FRAS1: variants seen among roughly 807,000 people sequenced by gnomAD.
FRAS1 encodes the protein Fraser extracellular matrix complex subunit 1.
A neutral mutation model predicts 435.2 loss-of-function variants in FRAS1; 290 were observed. That is an observed-to-expected ratio of 0.67 (90% CI 0.61 to 0.73). The LOEUF (loss-of-function observed/expected upper bound fraction) is 0.73, where lower values mean the gene tolerates loss of function less well. FRAS1 is among the 30% of genes least tolerant of loss of function. FRAS1 has a pLI of 0.00. For missense variants in FRAS1, 4,860 were observed against 5,001.5 expected (o/e 0.97, Z 0.85); for synonymous variants, 1,800 against 1,851.0 (o/e 0.97, Z 0.71).
At chr4:78,534,677 GTCACCGGACTGGCATCTCTGCTCAT>G in intron 71 of FRAS1, 62 bp downstream of exon 71, 1 of 1,507,254 alleles carries the variant, frequency 6.6e-7, no homozygotes, top group Non-Finnish European at 9.1e-7. Flanking sequence ...CTTTTGCTAA[GTCACCGGACTGGCATCTCTGCTCAT>G]ATGCTCTCAG....
At chr4:78,118,304 C>T (rs1032647682) in intron 2 of FRAS1, among the ~76,000 whole-genome samples, 5 of 152,150 alleles carry the variant, frequency 3.3e-5, no homozygotes, top group African/African-American at 1.2e-4. Flanking sequence ...GGCAGTCTGT[C>T]CATTCACAGA....
chr4:78,258,352 A>C (rs1158648856), intron 6 of FRAS1, among the ~76,000 whole-genome samples: 1 of 150,030 alleles, frequency 6.7e-6, no homozygotes, highest in Non-Finnish European at 1.5e-5. Flanking sequence ...AAAAAAAAAA[A>C]AAAGAAAAAA....
intron 50 of FRAS1, among the ~76,000 whole-genome samples, chr4:78,469,059 G>T (rs1037081889): frequency 1.1e-4 from 17 of 152,142 alleles, no homozygotes; most frequent in Admixed American, 2.6e-4. Flanking sequence ...CATCACTCTT[G>T]TTTTTTCTCT....
At chr4:78,200,038 G>C (rs750022087) in intron 2 of FRAS1, among the ~76,000 whole-genome samples, 5 of 152,164 alleles carry the variant, frequency 3.3e-5, no homozygotes, top group Non-Finnish European at 7.3e-5. Flanking sequence ...TATGATTTCT[G>C]TACAGAAGTA....
At chr4:78,126,545 T>C (rs1450101089) in intron 2 of FRAS1, among the ~76,000 whole-genome samples, 2 of 152,330 alleles carry the variant, frequency 1.3e-5, no homozygotes, top group Middle Eastern at 3.4e-3. Context: ...AGCGAACATA[T>C]AGCAACTGTT....
At chr4:78,157,938 A>G (rs1246329406) in intron 2 of FRAS1, among the ~76,000 whole-genome samples, 1 of 152,126 alleles carries the variant, frequency 6.6e-6, no homozygotes, top group East Asian at 1.9e-4. Context: ...ATCCTTACCC[A>G]ATTGCTTATT....
chr4:78,359,888 A>G (rs1731009098), intron 20 of FRAS1, among the ~76,000 whole-genome samples: 1 of 152,026 alleles, frequency 6.6e-6, no homozygotes, highest in Non-Finnish European at 1.5e-5. Flanking sequence ...ATGTTTGGGG[A>G]CTGATCTGAT....
chr4:78,477,042 T>C (rs1719873294), intron 54 of FRAS1, among the ~76,000 whole-genome samples: 1 of 151,878 alleles, frequency 6.6e-6, no homozygotes, highest in Admixed American at 6.6e-5. Context: ...AAGTTCACAA[T>C]TGTGTACATA....
chr4:78,452,711 C>G (rs1244999338), intron 47 of FRAS1, among the ~76,000 whole-genome samples: 1 of 152,190 alleles, frequency 6.6e-6, no homozygotes, highest in Non-Finnish European at 1.5e-5. Context: ...AAAATTCAAT[C>G]CAGTGAATAG....
intron 38 of FRAS1, among the ~76,000 whole-genome samples, chr4:78,434,202 G>C (rs1279100628): frequency 6.6e-6 from 1 of 152,200 alleles, no homozygotes; most frequent in Non-Finnish European, 1.5e-5. Context: ...TCTGTTCTTA[G>C]TTTAAGTGTT....
chr4:78,116,955 G>A (rs1743232771), intron 2 of FRAS1, among the ~76,000 whole-genome samples: 1 of 152,170 alleles, frequency 6.6e-6, no homozygotes, highest in African/African-American at 2.4e-5. Flanking sequence ...GCATGTTTTT[G>A]CAGTGGGTCT....
chr4:78,221,690 G>T (rs1724055071), intron 2 of FRAS1, among the ~76,000 whole-genome samples: 1 of 152,184 alleles, frequency 6.6e-6, no homozygotes, highest in East Asian at 1.9e-4. Flanking sequence ...CACCTTGTGT[G>T]TGTTGAACAG....
At chr4:78,306,822 A>G (rs1029581746) in intron 14 of FRAS1, among the ~76,000 whole-genome samples, 5 of 152,090 alleles carry the variant, frequency 3.3e-5, no homozygotes. Flanking sequence ...GTCCTCCTGT[A>G]GCTTGGAGTA....
At chr4:78,257,125 T>G (rs35828300) in intron 6 of FRAS1, among the ~76,000 whole-genome samples, 44,204 of 152,080 alleles carry the variant, frequency 0.29, 7,038 homozygotes, top group East Asian at 0.38. Context: ...GAGCTATTAT[T>G]ATGATTTCTA....
rs1725019925 is a variant in FRAS1 at position 78,241,950 on chromosome 4, A to C, written c.217-3283A>C. On this transcript the variant is annotated intron_variant, in intron 3 of 73. Transcript: ENST00000512123. ...TTTACTGAGTGAAAGTGAGAGAGTG[A>C]TCAGCAAATTTGTGGATGAAGGCAA... is the stretch of plus-strand genomic sequence containing the variant. 3.3e-5 allele frequency among the ~76,000 whole-genome samples: 5 copies of C among 152,106 alleles called. No individual in the cohort carries two copies. In the South Asian group the frequency reaches 1.0e-3, roughly 32 times the overall value.
At chr4:78,209,196 C>T (rs1295700097) in intron 2 of FRAS1, among the ~76,000 whole-genome samples, 1 of 151,916 alleles carries the variant, frequency 6.6e-6, no homozygotes, top group East Asian at 1.9e-4. Flanking sequence ...AAAGCCATAC[C>T]TAGTTTAGGT....
rs768188146 is a variant in FRAS1 at position 78,237,611 on chromosome 4, T to C, written c.210T>C (p.Phe70=). 1.7e-5 allele frequency: 27 copies of C among 1,589,736 alleles called. No individual in the cohort carries two copies. The Admixed American group carries it at 4.5e-4, about 27-fold the overall frequency. Residue 70 remains phenylalanine (F), a synonymous_variant, in exon 3 of 74, where the codon TTT becomes TTC. Transcript: ENST00000512123. ...PAVCRNPQCA[F]EKGEVLQIAA... ...TTTGCAGAAACCCTCAATGTGCCTTTGAGAAGGTACGGTATCCTAATTGTG... is the reference window on the plus strand; with the variant it reads ...TTTGCAGAAACCCTCAATGTGCCTTCGAGAAGGTACGGTATCCTAATTGTG...
chr4:78,079,039 AT>A (rs1189633099), intron 2 of FRAS1, among the ~76,000 whole-genome samples: 2 of 152,204 alleles, frequency 1.3e-5, no homozygotes, highest in Non-Finnish European at 2.9e-5. Flanking sequence ...GGTTAAGTAA[AT>A]CATCGTAGAT....
chr4:78,088,588 A>G (rs1741332326), intron 2 of FRAS1, among the ~76,000 whole-genome samples: 1 of 152,252 alleles, frequency 6.6e-6, no homozygotes, highest in Non-Finnish European at 1.5e-5. Flanking sequence ...CCAAGAAAAA[A>G]GCAAACAGCC....
Sources: gnomAD v4.1 joint callset for allele counts (sites outside exome capture counted in the v4.1 genomes callset) on GRCh38, gnomAD v4.1.1 for gene constraint, MANE v1.5 for transcripts, NCBI Gene and HGNC (gene_info 2026-07-23, HGNC 2026-07-21) for gene names.